DMD: variants seen among roughly 807,000 people sequenced by gnomAD.
DMD encodes the protein mutant dystrophin.
A neutral mutation model predicts 330.1 loss-of-function variants in DMD; 63 were observed. The observed-to-expected ratio is 0.19, with a 90% CI of 0.16 to 0.24. DMD has a LOEUF of 0.24. DMD is among the 10% of genes least tolerant of loss of function. The pLI is 1.00. For missense variants in DMD, 3,344 were observed against 2,684.1 expected (o/e 1.25, Z -5.43); for synonymous variants, 1,223 against 959.8 (o/e 1.27, Z -5.07).
At chrX:31,283,713 G>T (rs1213820975) in intron 62 of DMD, among the ~76,000 whole-genome samples, 1 of 111,829 alleles carries the variant, frequency 8.9e-6, no homozygotes, top group African/African-American at 3.3e-5. Context: ...AAAATAAAAA[G>T]ATCTAGCAGA....
In DMD at chrX:32,429,962, C is replaced by A. The variant is rs1330042076; in HGVS notation, c.4071+8279G>T. Among the ~76,000 whole-genome samples the A allele has an allele frequency of 9.9e-5, 11 of 111,168 alleles. No individual in the cohort carries two copies. The Admixed American group carries it at 1.1e-3, about 11-fold the overall frequency. On this transcript the variant is annotated intron_variant, in intron 29 of 78. Transcript: ENST00000357033. ...ACTTATTTTTCTACTACTTCTAATT[C>A]TTCATACTTATTTTAGACATTTTTA...
intron 2 of DMD, among the ~76,000 whole-genome samples, chrX:32,862,947 C>G (rs1338586782): frequency 9.1e-6 from 1 of 110,374 alleles, no homozygotes; most frequent in African/African-American, 3.3e-5. Flanking sequence ...CCTTGTTAGC[C>G]AGGCTGGTCT....
chrX:31,349,244 C>T (rs764495589), intron 60 of DMD, among the ~76,000 whole-genome samples: 5 of 112,156 alleles, frequency 4.5e-5, no homozygotes, highest in Admixed American at 9.4e-5. Flanking sequence ...AAGTTCGAGG[C>T]CAGCCTGGCC....
chrX:32,363,028 C>T, intron 36 of DMD, 70 bp from the exon 37 acceptor site: 4 of 1,020,857 alleles, frequency 3.9e-6, no homozygotes, highest in Admixed American at 2.6e-5. Flanking sequence ...AAAAAGAGAG[C>T]CAAACAGAGC....
At chrX:33,100,179 T>C (rs767757209) in intron 1 of DMD, among the ~76,000 whole-genome samples, 11 of 111,364 alleles carry the variant, frequency 9.9e-5, no homozygotes, top group Non-Finnish European at 2.1e-4. Flanking sequence ...CAACTCAGTA[T>C]CAGTTCTACA....
At chrX:32,024,336 T>C (rs1412830924) in intron 44 of DMD, among the ~76,000 whole-genome samples, 1 of 108,907 alleles carries the variant, frequency 9.2e-6, no homozygotes, top group Non-Finnish European at 1.9e-5. Context: ...AACACAAAAA[T>C]TAGCCAGGCA....
intron 33 of DMD, 104 bp downstream of exon 33, chrX:32,386,206 G>T (rs998161449): frequency 2.2e-6 from 2 of 906,748 alleles, no homozygotes; most frequent in Non-Finnish European, 3.2e-6. Flanking sequence ...AGAGAGAGGT[G>T]TTTAGAATTG....
chrX:31,844,190 CTTGAG>C (rs2093369336), intron 48 of DMD, among the ~76,000 whole-genome samples: 2 of 111,410 alleles, frequency 1.8e-5, no homozygotes, highest in South Asian at 7.6e-4. Context: ...TTTAATCCAT[CTTGAG>C]TTAATTTTTG....
At chrX:31,314,033 C>T (rs147862384) in intron 62 of DMD, among the ~76,000 whole-genome samples, 1,271 of 111,027 alleles carry the variant, frequency 0.011, 18 homozygotes, top group African/African-American at 0.039. Flanking sequence ...TGGGGTTTCG[C>T]CATGTTGCCC....
intron 60 of DMD, among the ~76,000 whole-genome samples, chrX:31,396,147 T>TA (rs1200404322): frequency 9.7e-6 from 1 of 103,128 alleles, no homozygotes; most frequent in East Asian, 2.9e-4. Context: ...ATTTTTTTTT[T>TA]TTTTTTTTGA....
At chrX:32,702,758 A>C (rs2064248689) in intron 7 of DMD, among the ~76,000 whole-genome samples, 2 of 111,453 alleles carry the variant, frequency 1.8e-5, no homozygotes, top group African/African-American at 3.3e-5. Flanking sequence ...CAAGTCAATG[A>C]ATGACAAAAA....
intron 43 of DMD, among the ~76,000 whole-genome samples, chrX:32,220,659 T>A (rs2097129065): frequency 9.0e-6 from 1 of 110,981 alleles, no homozygotes; most frequent in East Asian, 2.8e-4. Context: ...TATATATATT[T>A]TTTCTGGTTT....
intron 60 of DMD, among the ~76,000 whole-genome samples, chrX:31,433,160 G>T (rs1346316057): frequency 1.8e-5 from 2 of 112,027 alleles, no homozygotes; most frequent in East Asian, 2.8e-4. Context: ...TTGGTTTTCT[G>T]TTTCTGCTTT....
chrX:32,174,309 A>G (rs921285540), intron 44 of DMD, among the ~76,000 whole-genome samples: 13 of 112,173 alleles, frequency 1.2e-4, no homozygotes, highest in African/African-American at 3.9e-4. Flanking sequence ...ATAATTCAAA[A>G]AGTGAGAGAG....
At chrX:32,443,794 G>T (rs2148245554) in intron 27 of DMD, among the ~76,000 whole-genome samples, 1 of 111,208 alleles carries the variant, frequency 9.0e-6, no homozygotes, top group Admixed American at 9.6e-5. Flanking sequence ...AAATTACTTT[G>T]AAATCACAGA....
At chrX:32,916,997 C>T (rs766769340) in intron 2 of DMD, among the ~76,000 whole-genome samples, 3 of 111,684 alleles carry the variant, frequency 2.7e-5, no homozygotes, top group Non-Finnish European at 5.6e-5. Context: ...TATACTTTGG[C>T]TCTGTGTCCC....
Position 32,633,627 on chromosome X carries a change from G to T in DMD, c.1331+10505C>A, listed in dbSNP as rs5928060. Among the ~76,000 whole-genome samples the T allele has an allele frequency of 7.5e-3, 839 of 112,006 alleles. 2 individuals carry two copies. The highest frequency in any genetic ancestry group is 0.013 in the Non-Finnish European group (682 of 53,237). ...TAGGCCACTCTCGCATTGCTATCAA[G>T]AAATACCTGAGACTGAGTAATTTAT... On this transcript the variant is annotated intron_variant, in intron 11 of 78. Transcript: ENST00000357033.
chrX:31,348,490 T>C (rs982517389), intron 61 of DMD, 66 bp downstream of exon 61: 119 of 982,784 alleles, frequency 1.2e-4, no homozygotes, highest in Non-Finnish European at 1.6e-4. Context: ...CTTTTGTTTT[T>C]TCAACTGTTA....
At chrX:32,686,559 CAAAAAAAAAAAAA>C (rs750534167) in intron 9 of DMD, among the ~76,000 whole-genome samples, 1 of 28,585 alleles carries the variant, frequency 3.5e-5, no homozygotes, top group African/African-American at 1.3e-4. Flanking sequence ...AACTCCATCT[CAAAAAAAAAAAAA>C]AAAAAAAAAA....
Sources: gnomAD v4.1 joint callset for allele counts (sites outside exome capture counted in the v4.1 genomes callset) on GRCh38, gnomAD v4.1.1 for gene constraint, MANE v1.5 for transcripts, NCBI Gene and HGNC (gene_info 2026-07-23, HGNC 2026-07-21) for gene names.